Variants in SINHCAF observed in about 807,000 individuals in gnomAD.
The protein encoded by SINHCAF is SIN3-HDAC complex associated factor.
Under a neutral mutation model 25.8 loss-of-function variants are expected in SINHCAF, and 3 were observed. The ratio of observed to expected loss-of-function variants is 0.12; its 90% confidence interval spans 0.05 to 0.30. The LOEUF (loss-of-function observed/expected upper bound fraction) is 0.30. SINHCAF is among the 10% of genes least tolerant of loss of function. The pLI is 1.00. For missense variants in SINHCAF, 121 were observed against 262.3 expected (o/e 0.46, Z 3.72); for synonymous variants, 70 against 85.5 (o/e 0.82, Z 1.00).
At chr12:31,287,873 G>A in intron 4 of SINHCAF, 89 bp from the exon 5 acceptor site, 2 of 912,094 alleles carry the variant, frequency 2.2e-6, no homozygotes, top group Non-Finnish European at 3.1e-6. Context: ...CTGTGAAAGA[G>A]TTGGTAAAAA....
intron 2 of SINHCAF, 44 bp downstream of exon 2, chr12:31,298,033 T>C (rs1162255541): frequency 6.3e-7 from 1 of 1,576,190 alleles, no homozygotes; most frequent in South Asian, 1.1e-5. Flanking sequence ...TATGCTGTGG[T>C]ATTTTTTCAC....
intron 1 of SINHCAF, 137 bp from the exon 2 acceptor site, chr12:31,298,361 C>A (rs1938633256): frequency 3.5e-6 from 3 of 869,418 alleles, no homozygotes; most frequent in East Asian, 2.6e-5. Flanking sequence ...CAAGGGAAGA[C>A]CTCCTGGATC....
At chr12:31,283,618 AG>A (rs766151224) in intron 5 of SINHCAF, among the ~76,000 whole-genome samples, 2 of 152,062 alleles carry the variant, frequency 1.3e-5, no homozygotes, top group African/African-American at 4.8e-5. Flanking sequence ...AAAACAAAAA[AG>A]GGTGTGTGTT....
At chr12:31,311,215 G>C (rs1939255598) in intron 1 of SINHCAF, among the ~76,000 whole-genome samples, 1 of 152,172 alleles carries the variant, frequency 6.6e-6, no homozygotes. Flanking sequence ...GCGTCTTTGA[G>C]CCATCTTCTG....
At chr12:31,300,470 T>C (rs1421906966) in intron 1 of SINHCAF, among the ~76,000 whole-genome samples, 2 of 152,212 alleles carry the variant, frequency 1.3e-5, no homozygotes, top group Admixed American at 1.3e-4. Context: ...ATAATTTTAG[T>C]TAAATGCTTG....
chr12:31,298,660 T>A, intron 1 of SINHCAF: 1 of 229,822 alleles, frequency 4.4e-6, no homozygotes. Flanking sequence ...TTTGAGCATT[T>A]ACCATGAATA....
chr12:31,307,145 T>A (rs1939060780), intron 1 of SINHCAF, among the ~76,000 whole-genome samples: 1 of 152,184 alleles, frequency 6.6e-6, no homozygotes. Flanking sequence ...CCTAGCACTT[T>A]GTGGTCTGCT....
chr12:31,305,055 T>C (rs1231895322), intron 1 of SINHCAF: 2 of 152,156 alleles, frequency 1.3e-5, no homozygotes, highest in Non-Finnish European at 2.9e-5. Flanking sequence ...GGTTTCAGGG[T>C]TGAAGCTGTT....
intron 2 of SINHCAF, chr12:31,296,837 C>CA (rs1938569907): frequency 3.9e-6 from 1 of 257,514 alleles, no homozygotes; most frequent in Non-Finnish European, 7.9e-6. Context: ...GCCTGGGTGA[C>CA]AGAGTGAGAC....
rs377611968 is a variant in SINHCAF at position 31,298,057 on chromosome 12, C to A, written c.128+20G>T. ...GTATTTTTTCACTCTAAGAATAGTA[C>A]AAACATCAGGTGATCTTACCCAAAA... On this transcript the variant is annotated intron_variant, in intron 2 of 5. Transcript: ENST00000337682. The A allele has an allele frequency of 2.5e-6, 4 of 1,611,830 alleles. No homozygotes were observed. Among genetic ancestry groups the A allele is most frequent in the South Asian group, 1.1e-5 (1 of 90,964 alleles).
At chr12:31,321,889 T>C (rs1008447753) in intron 1 of SINHCAF, among the ~76,000 whole-genome samples, 3 of 152,178 alleles carry the variant, frequency 2.0e-5, no homozygotes, top group African/African-American at 7.2e-5. Flanking sequence ...AAAACTTTTA[T>C]TTTACATGTA....
At chr12:31,290,441 C>T (rs1360568952) in intron 4 of SINHCAF, among the ~76,000 whole-genome samples, 1 of 151,944 alleles carries the variant, frequency 6.6e-6, no homozygotes, top group Non-Finnish European at 1.5e-5. Context: ...CTGAATAGAG[C>T]TCACAAATAT....
At chr12:31,321,323 G>A (rs376255032) in intron 1 of SINHCAF, among the ~76,000 whole-genome samples, 1 of 152,160 alleles carries the variant, frequency 6.6e-6, no homozygotes, top group African/African-American at 2.4e-5. Context: ...ATGTAAAATG[G>A]TTGAATCAGA....
At chr12:31,307,334 C>G (rs1321888439) in intron 1 of SINHCAF, among the ~76,000 whole-genome samples, 1 of 152,054 alleles carries the variant, frequency 6.6e-6, no homozygotes, top group African/African-American at 2.4e-5. Context: ...GGTGGGCAGA[C>G]CGCTTGAGCC....
At chr12:31,322,084 G>C (rs951683345) in intron 1 of SINHCAF, among the ~76,000 whole-genome samples, 4 of 152,088 alleles carry the variant, frequency 2.6e-5, no homozygotes, top group African/African-American at 9.7e-5. Context: ...CTGTCCACCA[G>C]TGATCTAGAA....
chr12:31,296,772 C>T (rs555418791), intron 2 of SINHCAF: 159 of 178,666 alleles, frequency 8.9e-4, no homozygotes, highest in African/African-American at 3.6e-3. Context: ...GGAGGCTCAC[C>T]TGAGGCCAGT....
intron 1 of SINHCAF, among the ~76,000 whole-genome samples, chr12:31,308,302 C>G (rs1346375821): frequency 6.6e-6 from 1 of 152,230 alleles, no homozygotes; most frequent in Non-Finnish European, 1.5e-5. Context: ...ATGATGGGAT[C>G]AGGCTGGTCA....
chr12:31,323,857 T>G (rs1939818811), intron 1 of SINHCAF: 2 of 437,514 alleles, frequency 4.6e-6, no homozygotes, highest in Non-Finnish European at 4.7e-6. Context: ...ACAGCTCGGC[T>G]GGGGAGGAGG....
chr12:31,319,996 A>T (rs1297588081), intron 1 of SINHCAF, among the ~76,000 whole-genome samples: 2 of 152,162 alleles, frequency 1.3e-5, no homozygotes, highest in Non-Finnish European at 2.9e-5. Context: ...TTTATTGTGA[A>T]GTCCTTAGAA....
Sources: allele counts gnomAD v4.1 joint callset (sites outside exome capture counted in the v4.1 genomes callset), GRCh38; gene constraint gnomAD v4.1.1; transcripts MANE v1.5; gene names NCBI Gene and HGNC (gene_info 2026-07-23, HGNC 2026-07-21).